TSGA10: variants seen among roughly 807,000 people sequenced by gnomAD.
TSGA10 encodes the protein testis specific 10.
TSGA10 carries 43 observed loss-of-function variants against 96.6 expected under a neutral mutation model. That is an observed-to-expected ratio of 0.44 (90% confidence interval 0.35 to 0.57). The LOEUF (loss-of-function observed/expected upper bound fraction) is 0.57, where lower values mean the gene tolerates loss of function less well. TSGA10 is among the 20% of genes least tolerant of loss of function. The pLI, the probability that TSGA10 is intolerant of heterozygous loss-of-function variation, is 0.01. For missense variants in TSGA10, 703 were observed against 834.4 expected (o/e 0.84, Z 1.94); for synonymous variants, 229 against 269.9 (o/e 0.85, Z 1.48).
intron 7 of TSGA10, 131 bp from the exon 8 acceptor site, chr2:99,105,828 T>C (rs2091286221): frequency 1.9e-6 from 1 of 524,440 alleles, no homozygotes; most frequent in Non-Finnish European, 3.2e-6. Context: ...GTATCGCTTT[T>C]ATTTTAAAAT....
chr2:99,003,432 G>A (rs542356469), intron 20 of TSGA10, among the ~76,000 whole-genome samples: 10 of 152,292 alleles, frequency 6.6e-5, no homozygotes, highest in African/African-American at 2.2e-4. Context: ...CTTGAACTCA[G>A]CTCTGCACCA....
At chr2:99,069,227 A>G (rs2085633495) in intron 14 of TSGA10, among the ~76,000 whole-genome samples, 1 of 152,182 alleles carries the variant, frequency 6.6e-6, no homozygotes, top group African/African-American at 2.4e-5. Flanking sequence ...AAAAAACTCT[A>G]CTAGCAACTG....
At chr2:99,003,133 A>G (rs1558684881) in intron 20 of TSGA10, among the ~76,000 whole-genome samples, 3 of 152,228 alleles carry the variant, frequency 2.0e-5, no homozygotes, top group Admixed American at 6.5e-5. Context: ...CTGGGATTAT[A>G]GGCGTAAGCT....
chr2:99,123,543 C>A (rs1263035624), intron 2 of TSGA10, among the ~76,000 whole-genome samples: 1 of 152,048 alleles, frequency 6.6e-6, no homozygotes, highest in Non-Finnish European at 1.5e-5. Flanking sequence ...AATATATATA[C>A]ATAATTTTCA....
intron 20 of TSGA10, among the ~76,000 whole-genome samples, chr2:99,017,637 C>T (rs1217643249): frequency 1.3e-5 from 2 of 150,958 alleles, no homozygotes; most frequent in Non-Finnish European, 3.0e-5. Context: ...TAGTGGCGGG[C>T]GCCTGTAGTC....
intron 17 of TSGA10, among the ~76,000 whole-genome samples, chr2:99,028,623 C>A (rs977150132): frequency 6.6e-6 from 1 of 152,140 alleles, no homozygotes; most frequent in Non-Finnish European, 1.5e-5. Context: ...CCCCTACTCC[C>A]CTCACCCCCA....
At chr2:99,102,570 T>C (rs914611139) in intron 10 of TSGA10, 2 of 1,614,034 alleles carry the variant, frequency 1.2e-6, no homozygotes, top group African/African-American at 1.3e-5. Flanking sequence ...AAAGGCTGTG[T>C]CAGATATGAT....
At chr2:99,147,117 T>A in intron 1 of TSGA10, 1 of 225,616 alleles carries the variant, frequency 4.4e-6, no homozygotes, top group Non-Finnish European at 8.7e-6. Context: ...CCTGTACCTG[T>A]ACAAGGTTAT....
At position 99,118,669 on chromosome 2, in the gene TSGA10, A is replaced by G; in HGVS notation, c.-474T>C. ...GATGAAGAAAAGGGCCTTTTCTATC[A>G]CAAAGGTATCCAAATGCCTTTAAAG... On this transcript the variant is annotated 5_prime_UTR_variant, in exon 3 of 21. Coordinates refer to ENST00000393483, the MANE Select transcript of TSGA10 (RefSeq NM_025244.4). 1 of 985,022 alleles carries G rather than the reference A, an allele frequency of 1.0e-6. No homozygotes were observed. Among genetic ancestry groups the G allele is most frequent in the Non-Finnish European group, 1.2e-6 (1 of 829,798 alleles). 61.0% of individuals were successfully genotyped at this position (985,022 alleles called of 1,614,324 possible).
chr2:99,087,884 A>G (rs1408894989), intron 10 of TSGA10, among the ~76,000 whole-genome samples: 1 of 152,216 alleles, frequency 6.6e-6, no homozygotes, highest in Non-Finnish European at 1.5e-5. Flanking sequence ...AAAAGAAGAT[A>G]TATAAATGGC....
intron 17 of TSGA10, among the ~76,000 whole-genome samples, chr2:99,034,130 A>T (rs2105071257): frequency 6.6e-6 from 1 of 152,268 alleles, no homozygotes; most frequent in Non-Finnish European, 1.5e-5. Context: ...AGTGCAAATG[A>T]TGGTGGCTTT....
At chr2:99,048,350 G>A (rs2083012065) in intron 16 of TSGA10, among the ~76,000 whole-genome samples, 1 of 152,096 alleles carries the variant, frequency 6.6e-6, no homozygotes, top group African/African-American at 2.4e-5. Flanking sequence ...AACCAAAACA[G>A]CATGGTACTG....
chr2:99,134,626 C>T (rs112922771), intron 1 of TSGA10, among the ~76,000 whole-genome samples: 18 of 152,076 alleles, frequency 1.2e-4, no homozygotes, highest in African/African-American at 2.4e-4. Flanking sequence ...CCTTTGCTGG[C>T]GAGCAGTTGT....
intron 16 of TSGA10, among the ~76,000 whole-genome samples, chr2:99,049,542 G>A (rs1408106888): frequency 1.3e-5 from 2 of 152,006 alleles, no homozygotes; most frequent in Non-Finnish European, 2.9e-5. Flanking sequence ...AGAACACCGG[G>A]ACACAGGGAG....
intron 16 of TSGA10, among the ~76,000 whole-genome samples, chr2:99,057,212 T>G (rs2084109084): frequency 6.6e-6 from 1 of 152,030 alleles, no homozygotes; most frequent in Admixed American, 6.5e-5. Context: ...GTACTAGAAG[T>G]TCTAGCCAGG....
At chr2:99,009,001 T>C (rs2078755541) in intron 20 of TSGA10, among the ~76,000 whole-genome samples, 1 of 151,910 alleles carries the variant, frequency 6.6e-6, no homozygotes, top group African/African-American at 2.4e-5. Flanking sequence ...AGAAAGGGGG[T>C]GGAGGCATGG....
chr2:99,002,316 G>A (rs1558681530), intron 20 of TSGA10, among the ~76,000 whole-genome samples: 1 of 152,222 alleles, frequency 6.6e-6, no homozygotes, highest in Non-Finnish European at 1.5e-5. Flanking sequence ...CCAGAAGACA[G>A]TGGGGGCCAA....
intron 20 of TSGA10, among the ~76,000 whole-genome samples, chr2:99,000,811 CAGG>C (rs2077825567): frequency 6.6e-6 from 1 of 152,134 alleles, no homozygotes; most frequent in Non-Finnish European, 1.5e-5. Flanking sequence ...AACAGCACAC[CAGG>C]AGATTATATC....
At chr2:99,121,692 G>T (rs995948720) in intron 2 of TSGA10, among the ~76,000 whole-genome samples, 1 of 151,988 alleles carries the variant, frequency 6.6e-6, no homozygotes, top group Admixed American at 6.6e-5. Flanking sequence ...GGCCGGTCTT[G>T]AACTCCTGGC....
Sources: gnomAD v4.1 joint callset for allele counts (sites outside exome capture counted in the v4.1 genomes callset) on GRCh38, gnomAD v4.1.1 for gene constraint, MANE v1.5 for transcripts, NCBI Gene and HGNC (gene_info 2026-07-23, HGNC 2026-07-21) for gene names.